The following FMR1 variants were observed in gnomAD, a reference collection of about 807,000 sequenced individuals.
FMR1 encodes the protein FMRP translational regulator 1.
In FMR1, 13 loss-of-function variants were observed where a neutral mutation model predicts 50.6. That is an observed-to-expected ratio of 0.26 (90% CI 0.17 to 0.41). The LOEUF is 0.41. FMR1 is among the 10% of genes least tolerant of loss of function. FMR1 has a pLI of 1.00. For synonymous variants in FMR1, 138 were observed against 164.1 expected (o/e 0.84, Z 1.22); for missense variants, 316 against 491.3 (o/e 0.64, Z 3.37).
chrX:147,927,635 T>C (rs2043437043), intron 3 of FMR1: 1 of 111,557 alleles, frequency 9.0e-6, no homozygotes, highest in South Asian at 3.8e-4. Flanking sequence ...TGCTAGGGTC[T>C]TCATGAAAGG....
chrX:147,940,755 C>T (rs1423690400), intron 13 of FMR1, 93 bp downstream of exon 13: 12 of 590,255 alleles, frequency 2.0e-5, no homozygotes, highest in Non-Finnish European at 3.2e-5. Context: ...CTCATTCTAG[C>T]CTGTGCAAAA....
At chrX:147,920,394 A>G (rs2043102403) in intron 1 of FMR1, among the ~76,000 whole-genome samples, 1 of 111,642 alleles carries the variant, frequency 9.0e-6, no homozygotes, top group African/African-American at 3.3e-5. Flanking sequence ...GCTTAGTGGA[A>G]TGCCTCTCCA....
chrX:147,950,021 CT>C lies in FMR1; in HGVS notation c.*1185del, dbSNP rs781888578. 1,789 of 312,051 alleles carry C rather than the reference CT, an allele frequency of 5.7e-3. 6 individuals are homozygous for C. Among genetic ancestry groups the C allele is most frequent in the Non-Finnish European group, 8.0e-3 (1,320 of 165,620 alleles). The allele number at this position is 312,051 out of a possible 1,213,427, so 25.7% of individuals were successfully genotyped here. On this transcript the variant is annotated 3_prime_UTR_variant, in exon 17 of 17. Transcript: ENST00000370475. The stretch of plus-strand genomic sequence containing the variant: ...ACTAAGATCGGTTAACAAATAACAA[CT>C]TTTTTTTCTTTTTTTCTTTTGTTTT...
At position 147,928,931 on chromosome X, in the gene FMR1, C is replaced by CA. The variant is rs1202557344; in HGVS notation, c.419+129dup. ...TGATTTTAAATTTGGTGGACTTTGGCAAAAATGGTTTGGTTTGCAAGAGCA... is the reference window on the plus strand; with the variant it reads ...TGATTTTAAATTTGGTGGACTTTGGCAAAAAATGGTTTGGTTTGCAAGAGCA... On this transcript the variant is annotated intron_variant, in intron 5 of 16. Coordinates refer to ENST00000370475, the MANE Select transcript of FMR1 (RefSeq NM_002024.6). The CA allele has an allele frequency of 9.3e-6, 7 of 748,849 alleles. No individual in the cohort carries two copies. In the Admixed American group the frequency reaches 1.4e-4, roughly 15 times the overall value. 61.7% of individuals were successfully genotyped at this position (748,849 alleles called of 1,213,427 possible). A position where few individuals can be genotyped will look rare whatever the true frequency, so the allele number is the denominator to read the frequency against.
intron 13 of FMR1, 38 bp from the exon 14 acceptor site, chrX:147,943,093 C>G (rs1426996096): frequency 9.2e-7 from 1 of 1,085,907 alleles, no homozygotes; most frequent in African/African-American, 1.8e-5. Context: ...AGTAAAATGT[C>G]AAATTATTTT....
At chrX:147,922,240 C>T (rs1444956488) in intron 2 of FMR1, among the ~76,000 whole-genome samples, 1 of 111,412 alleles carries the variant, frequency 9.0e-6, no homozygotes, top group Admixed American at 9.5e-5. Flanking sequence ...AGAAAGAAAC[C>T]AGAGAGTCTT....
At chrX:147,948,256 T>G (rs1394081314) in intron 16 of FMR1, among the ~76,000 whole-genome samples, 3 of 112,677 alleles carry the variant, frequency 2.7e-5, no homozygotes, top group Non-Finnish European at 5.6e-5. Context: ...AAAGCCAGAA[T>G]AGGAAAACAT....
In FMR1 at chrX:147,950,218, G is replaced by T. The variant is rs2044288083; in HGVS notation, c.*1374G>T. 1 of 326,748 alleles carries T rather than the reference G, an allele frequency of 3.1e-6. No homozygotes were observed. The highest frequency in any genetic ancestry group is 2.6e-5 in the South Asian group (1 of 38,269). The allele number at this position is 326,748 out of a possible 1,213,427, so 26.9% of individuals were successfully genotyped here. On this transcript the variant is annotated 3_prime_UTR_variant, in exon 17 of 17. Coordinates refer to ENST00000370475, the MANE Select transcript of FMR1 (RefSeq NM_002024.6). ...ACAGAGCCGTAAAAACTGAAGTTCT[G>T]CCTCTGATGTATTTTGTGAGTTTGT... is the stretch of plus-strand genomic sequence containing the variant.
intron 1 of FMR1, chrX:147,913,417 CA>C (rs2042693331): frequency 8.9e-6 from 1 of 112,032 alleles, no homozygotes; most frequent in African/African-American, 3.2e-5. Context: ...CACCTTACTA[CA>C]GTATTTTGGC....
chrX:147,946,284 A>C (rs1447503221), intron 16 of FMR1, among the ~76,000 whole-genome samples: 3 of 111,983 alleles, frequency 2.7e-5, no homozygotes, highest in Non-Finnish European at 5.6e-5. Context: ...TGCTCCCCCA[A>C]ATTAACAGGG....
At chrX:147,919,955 A>G (rs1557176085) in intron 1 of FMR1, among the ~76,000 whole-genome samples, 3 of 112,533 alleles carry the variant, frequency 2.7e-5, no homozygotes, top group African/African-American at 3.2e-5. Context: ...GCATTGAACC[A>G]TTTGTTTTTA....
At chrX:147,917,794 G>A (rs2042951187) in intron 1 of FMR1, among the ~76,000 whole-genome samples, 1 of 111,334 alleles carries the variant, frequency 9.0e-6, no homozygotes, top group African/African-American at 3.3e-5. Flanking sequence ...CTTATTTGCA[G>A]ATGAGGAATC....
At chrX:147,937,068 T>C (rs951407427) in intron 10 of FMR1, among the ~76,000 whole-genome samples, 2 of 111,822 alleles carry the variant, frequency 1.8e-5, no homozygotes, top group South Asian at 7.3e-4. Context: ...TTTAAATTTA[T>C]TTCTGTGCTT....
intron 1 of FMR1, chrX:147,914,462 G>A (rs781793583): frequency 1.9e-4 from 21 of 112,250 alleles, no homozygotes; most frequent in Admixed American, 1.2e-3. Context: ...CTGCTGTGGA[G>A]AAGTGTTACA....
At chrX:147,931,422 A>T (rs1557178668) in intron 7 of FMR1, among the ~76,000 whole-genome samples, 1 of 112,010 alleles carries the variant, frequency 8.9e-6, no homozygotes, top group Non-Finnish European at 1.9e-5. Context: ...TCTAAAAAAA[A>T]TGGGTATTGC....
rs2044064855 is a variant in FMR1, at chrX:147,943,147, G to A, written c.1292G>A (p.Arg431His). 8.3e-7 allele frequency: 1 copy of A among 1,208,722 alleles called. No homozygotes were observed. Among genetic ancestry groups the A allele is most frequent in the Non-Finnish European group, 1.1e-6 (1 of 892,858 alleles). Residue 431 changes from arginine (R) to histidine (H), a missense_variant, in exon 14 of 17, where the codon CGT becomes CAT. Arg to His is a conservative substitution (Grantham distance 29). This residue lies in a region of FMR1 where 15 missense variants were observed against 40.9 expected (regional missense o/e 0.37). Coordinates refer to ENST00000370475, the MANE Select transcript of FMR1 (RefSeq NM_002024.6). ...LNYLKEVDQL[R>H]LERLQIDEQL... ...TTTAAATAGGAAGTAGACCAGTTGC[G>A]TTTGGAGAGATTACAAATTGATGAG...
intron 1 of FMR1, among the ~76,000 whole-genome samples, chrX:147,917,161 G>T (rs782145489): frequency 2.0e-4 from 22 of 112,075 alleles, no homozygotes; most frequent in Non-Finnish European, 3.8e-4. Context: ...TTCATTGGTG[G>T]TCGGGTGTAC....
intron 11 of FMR1, 149 bp downstream of exon 11, chrX:147,937,749 A>G: frequency 2.0e-6 from 1 of 491,806 alleles, no homozygotes; most frequent in East Asian, 3.5e-5. Context: ...ATGAGATACT[A>G]CAAATTAGTG....
At chrX:147,935,714 A>AT (rs2043768492) in intron 9 of FMR1, among the ~76,000 whole-genome samples, 1 of 112,400 alleles carries the variant, frequency 8.9e-6, no homozygotes, top group African/African-American at 3.2e-5. Context: ...TCAAGTACCT[A>AT]TTTTTTACTG....
Sources: gnomAD v4.1 joint callset for allele counts (sites outside exome capture counted in the v4.1 genomes callset) on GRCh38, gnomAD v4.1.1 for gene constraint, gnomAD v4.1.1 regional missense constraint, MANE v1.5 for transcripts, NCBI Gene and HGNC (gene_info 2026-07-23, HGNC 2026-07-21) for gene names.